Variants in DDHD1 observed in about 807,000 individuals in gnomAD.
DDHD1 encodes the protein DDHD domain containing 1.
Under a neutral mutation model 96.4 loss-of-function variants are expected in DDHD1, and 49 were observed. The ratio of observed to expected loss-of-function variants is 0.51; its 90% confidence interval spans 0.40 to 0.64. DDHD1 has a LOEUF of 0.64. Among genes scored for constraint, DDHD1 ranks in the 30% least tolerant of loss-of-function variants. The pLI, the probability that DDHD1 is intolerant of heterozygous loss-of-function variation, is 0.00. For synonymous variants in DDHD1, 442 were observed against 446.5 expected, an observed-to-expected ratio of 0.99 and a Z score of 0.13; for missense variants, 1,106 against 1,161.2, an observed-to-expected ratio of 0.95 and a Z score of 0.69.
intron 2 of DDHD1, among the ~76,000 whole-genome samples, chr14:53,100,107 C>G (rs1245579915): frequency 6.6e-5 from 10 of 151,916 alleles, no homozygotes; most frequent in African/African-American, 2.4e-4. Flanking sequence ...AATCAAAAAC[C>G]AACATGGTGT....
intron 1 of DDHD1, among the ~76,000 whole-genome samples, chr14:53,104,106 AT>A (rs1361024519): frequency 6.6e-6 from 1 of 152,048 alleles, no homozygotes; most frequent in Non-Finnish European, 1.5e-5. Flanking sequence ...TAATTTTTAT[AT>A]TATTCTGGTA....
intron 5 of DDHD1, among the ~76,000 whole-genome samples, chr14:53,072,933 C>T (rs1050577882): frequency 1.8e-4 from 28 of 151,610 alleles, no homozygotes; most frequent in Non-Finnish European, 3.2e-4. Context: ...AGGATGAAAG[C>T]CATTATCAAA....
chr14:53,059,410 A>G (rs1883342879), intron 8 of DDHD1, among the ~76,000 whole-genome samples: 1 of 151,540 alleles, frequency 6.6e-6, no homozygotes. Context: ...ACGCCCAGCT[A>G]ATTTTTTTGT....
chr14:53,145,158 T>TA (rs1005384545), intron 1 of DDHD1, among the ~76,000 whole-genome samples: 18 of 151,362 alleles, frequency 1.2e-4, no homozygotes, highest in Non-Finnish European at 2.1e-4. Context: ...TCAAAAATAA[T>TA]AAAAAAAATA....
At chr14:53,054,687 A>C (rs1279268455) in intron 10 of DDHD1, 58 bp from the exon 11 acceptor site, 1 of 1,544,732 alleles carries the variant, frequency 6.5e-7, no homozygotes, top group East Asian at 2.3e-5. Context: ...TCTAAGCTAA[A>C]GAGCACCACC....
In DDHD1 at chr14:53,061,109, C is replaced by T. The variant is rs745345060; in HGVS notation, c.1842+17G>A. The T allele has an allele frequency of 1.9e-6, 3 of 1,599,422 alleles. No individual in the cohort carries two copies. The East Asian group carries it at 6.7e-5, about 36-fold the overall frequency. The stretch of plus-strand genomic sequence containing the variant: ...ATACTGAGATCAATGTTGAAGAACA[C>T]ATTGCTCTTTCCTTACCTTAAATTT... On this transcript the variant is annotated intron_variant, in intron 8 of 12. Transcript: ENST00000673822.
intron 2 of DDHD1, among the ~76,000 whole-genome samples, chr14:53,098,922 A>G (rs1887094365): frequency 6.6e-6 from 1 of 152,026 alleles, no homozygotes; most frequent in East Asian, 1.9e-4. Flanking sequence ...TTCTTAAACA[A>G]TCTGTCACTT....
intron 1 of DDHD1, among the ~76,000 whole-genome samples, chr14:53,124,661 C>G (rs1231616078): frequency 6.6e-6 from 1 of 152,132 alleles, no homozygotes; most frequent in Non-Finnish European, 1.5e-5. Flanking sequence ...ACCCTAAATA[C>G]CATTTACTAA....
chr14:53,113,310 T>C (rs1241512894), intron 1 of DDHD1, among the ~76,000 whole-genome samples: 2 of 150,556 alleles, frequency 1.3e-5, no homozygotes, highest in East Asian at 1.9e-4. Flanking sequence ...CTAGAAGAAA[T>C]TATTTATAAT....
intron 11 of DDHD1, chr14:53,052,625 T>A (rs1882699607): frequency 6.6e-6 from 1 of 152,036 alleles, no homozygotes; most frequent in African/African-American, 2.4e-5. Flanking sequence ...GCAAGCCAAA[T>A]AATTAGTAAA....
At chr14:53,079,538 C>T (rs1389644538) in intron 4 of DDHD1, among the ~76,000 whole-genome samples, 3 of 152,154 alleles carry the variant, frequency 2.0e-5, no homozygotes, top group Non-Finnish European at 4.4e-5. Context: ...AGGTTATATA[C>T]TTTGTAGCAT....
At position 53,103,675 on chromosome 14, in the gene DDHD1, G is replaced by T; in HGVS notation, c.1012+8C>A. 1 of 1,601,728 alleles carries T rather than the reference G, an allele frequency of 6.2e-7. No homozygotes were observed. Among genetic ancestry groups the T allele is most frequent in the South Asian group, 1.1e-5 (1 of 89,176 alleles). ...GTAGAATATATTAAATGTATCAATT[G>T]ATCTTACCATCTTTTCCATCTATGG... On this transcript the variant is annotated splice_region_variant and intron_variant, in intron 2 of 12. Transcript: ENST00000673822.
intron 12 of DDHD1, among the ~76,000 whole-genome samples, chr14:53,048,378 C>T (rs1279620027): frequency 1.3e-5 from 2 of 148,792 alleles, no homozygotes; most frequent in African/African-American, 5.0e-5. Flanking sequence ...CACACTGTCA[C>T]CCAGGCTGGA....
intron 4 of DDHD1, among the ~76,000 whole-genome samples, chr14:53,083,095 T>TGTA (rs1178533007): frequency 6.6e-6 from 1 of 152,210 alleles, no homozygotes; most frequent in African/African-American, 2.4e-5. Context: ...GTGAACTACA[T>TGTA]GTATGTCCTG....
At chr14:53,112,279 T>C (rs572301398) in intron 1 of DDHD1, among the ~76,000 whole-genome samples, 1 of 152,242 alleles carries the variant, frequency 6.6e-6, no homozygotes, top group Non-Finnish European at 1.5e-5. Context: ...TAGCTGGGCA[T>C]GGTGGCACAC....
At chr14:53,092,014 G>C in intron 3 of DDHD1, 82 bp from the exon 4 acceptor site, 1 of 1,395,778 alleles carries the variant, frequency 7.2e-7, no homozygotes, top group Non-Finnish European at 9.7e-7. Flanking sequence ...AAAAAAAGAA[G>C]TAAAAGGAAT....
chr14:53,068,705 G>A (rs571223176), intron 6 of DDHD1, among the ~76,000 whole-genome samples: 14 of 152,288 alleles, frequency 9.2e-5, no homozygotes, highest in Admixed American at 2.6e-4. Context: ...ATGTCCATCT[G>A]CTCCTCAGGA....
rs1042422281 is a variant in DDHD1 at position 53,054,605 on chromosome 14, A to C, written c.2270T>G (p.Leu757Arg). ...ILGAASIGKG[L>R]GGMLFSRFGR... is the part of the protein sequence containing the mutation. ...AAATCTTGAGAACAACATTCCTCCA[A>C]GTCCCTTTCCAATGCTAGCAGCCCC... is the stretch of plus-strand genomic sequence containing the variant. Residue 757 changes from leucine to arginine, a missense_variant, in exon 11 of 13, where the codon CTT becomes CGT. By Grantham distance (102) the Leu-to-Arg change is moderately radical (BLOSUM62 -2). Coordinates refer to ENST00000673822, the MANE Select transcript of DDHD1 (RefSeq NM_001160148.2). 4.3e-6 allele frequency: 7 copies of C among 1,613,932 alleles called. No individual in the cohort carries two copies. Among genetic ancestry groups the C allele is most frequent in the African/African-American group, 4.0e-5 (3 of 74,930 alleles).
At chr14:53,058,447 A>AG in intron 9 of DDHD1, 30 bp downstream of exon 9, 2 of 1,576,188 alleles carry the variant, frequency 1.3e-6, no homozygotes, top group Non-Finnish European at 1.7e-6. Flanking sequence ...TTTGACATTG[A>AG]GAAAAAAAAG....
Sources: allele counts gnomAD v4.1 joint callset (sites outside exome capture counted in the v4.1 genomes callset), GRCh38; gene constraint gnomAD v4.1.1; transcripts MANE v1.5; gene names NCBI Gene and HGNC (gene_info 2026-07-23, HGNC 2026-07-21).